Variants in CD33 observed in about 807,000 individuals in gnomAD.
The protein encoded by CD33 is myeloid cell surface antigen CD33.
In CD33, 25 loss-of-function variants were observed where a neutral mutation model predicts 31.4. The observed-to-expected ratio is 0.80, with a 90% CI of 0.58 to 1.11. The LOEUF is 1.11. Ranked by LOEUF, CD33 falls within the 50% of genes most tolerant of loss-of-function variation. The pLI is 0.00. For missense variants in CD33, 407 were observed against 448.1 expected (o/e 0.91, Z 0.83); for synonymous variants, 176 against 180.6 (o/e 0.97, Z 0.20).
upstream of CD33, among the ~76,000 whole-genome samples, chr19:51,222,992 T>C (rs989279962): frequency 6.6e-6 from 1 of 152,086 alleles, no homozygotes; most frequent in African/African-American, 2.4e-5. Context: ...GGTGGGAGGA[T>C]TGCTTGAACC....
At chr19:51,211,320 C>A in the CD33 span, 1 of 1,563,328 alleles carries the variant, frequency 6.4e-7, no homozygotes, top group Non-Finnish European at 8.8e-7. Flanking sequence ...TACCCTACTA[C>A]AACAGGAATT....
In CD33 at chr19:51,239,794, A is replaced by G; in HGVS notation, c.*106A>G. Reference sequence around the variant, plus strand: ...TTAACACCCCACAGGCAATGGGTTTATAGACATTATGTGAGTTTCCTGCTA... The same window carrying G: ...TTAACACCCCACAGGCAATGGGTTTGTAGACATTATGTGAGTTTCCTGCTA... On this transcript the variant is annotated 3_prime_UTR_variant, in exon 7 of 7. Transcript: ENST00000262262. The G allele has an allele frequency of 2.5e-6, 2 of 808,722 alleles. No individual in the cohort carries two copies. The highest frequency in any genetic ancestry group is 2.8e-5 in the East Asian group (1 of 35,706). The allele number at this position is 808,722 out of a possible 1,614,324, so 50.1% of individuals were successfully genotyped here.
chr19:51,214,646 T>C, the CD33 span, among the ~76,000 whole-genome samples: 1 of 152,250 alleles, frequency 6.6e-6, no homozygotes, highest in Admixed American at 6.5e-5. Context: ...AAGTTTTATT[T>C]AAGTCCTTTG....
the CD33 span, among the ~76,000 whole-genome samples, chr19:51,214,255 A>G: frequency 8.0e-5 from 11 of 138,066 alleles, no homozygotes; most frequent in East Asian, 1.7e-3. Context: ...CTGGAGTGCA[A>G]TGGCATGATC....
chr19:51,234,100 T>C (rs1049139363), intron 4 of CD33, among the ~76,000 whole-genome samples: 2 of 152,096 alleles, frequency 1.3e-5, no homozygotes, highest in African/African-American at 2.4e-5. Context: ...TTGAGTGGAA[T>C]CTTCTAGTCG....
At chr19:51,237,723 G>C (rs1356809509) in intron 6 of CD33, 1 of 152,224 alleles carries the variant, frequency 6.6e-6, no homozygotes, top group African/African-American at 2.4e-5. Flanking sequence ...AATATTGCAG[G>C]ATCCTAAGTC....
chr19:51,226,240 T>C, intron 3 of CD33, 69 bp from the exon 4 acceptor site: 1 of 1,535,790 alleles, frequency 6.5e-7, no homozygotes, highest in Non-Finnish European at 9.0e-7. Context: ...CTGGCAGGAG[T>C]AAGGGGAAAT....
chr19:51,220,290 C>G (rs273637), upstream of CD33, among the ~76,000 whole-genome samples: 52,470 of 152,134 alleles, frequency 0.34, 9,664 homozygotes, highest in Non-Finnish European at 0.43. Flanking sequence ...AGTTCCTCTC[C>G]ATGTTTTGAA....
At chr19:51,217,882 T>C in the CD33 span, among the ~76,000 whole-genome samples, 2 of 152,372 alleles carry the variant, frequency 1.3e-5, no homozygotes, top group East Asian at 3.9e-4. Context: ...TTCATTCTTT[T>C]TCATGGCTGG....
At chr19:51,238,912 C>T (rs1981981914) in intron 6 of CD33, 1 of 152,384 alleles carries the variant, frequency 6.6e-6, no homozygotes, top group Admixed American at 6.5e-5. Flanking sequence ...CTTTGCACCA[C>T]TTGAACTAAC....
At position 51,225,257 on chromosome 19, in the gene CD33, A is replaced by G. The variant is rs1380291386; in HGVS notation, c.77A>G (p.Gln26Arg). 3 of 1,613,836 alleles carry G rather than the reference A, an allele frequency of 1.9e-6. No individual in the cohort carries two copies. The highest frequency in any genetic ancestry group is 3.3e-4 in the Middle Eastern group (2 of 6,082). ...GATCCAAATTTCTGGCTGCAAGTGCAGGAGTCAGTGACGGTACAGGAGGGT... is the reference window on the plus strand; with the variant it reads ...GATCCAAATTTCTGGCTGCAAGTGCGGGAGTCAGTGACGGTACAGGAGGGT... ...AMDPNFWLQVQESVTVQEGLC... is the reference protein window; with the variant it reads ...AMDPNFWLQVRESVTVQEGLC... The change falls in exon 2 of 7, where the codon CAG (glutamine) becomes CGG (arginine). Residue 26 changes from glutamine to arginine, a missense_variant. Physicochemically the swap from Gln to Arg is conservative, Grantham distance 43. Transcript: ENST00000262262.
intron 4 of CD33, among the ~76,000 whole-genome samples, chr19:51,228,381 T>A: frequency 6.6e-6 from 1 of 152,190 alleles, no homozygotes; most frequent in Non-Finnish European, 1.5e-5. Flanking sequence ...TATTAATTCA[T>A]CTGATGAGTA....
upstream of CD33, among the ~76,000 whole-genome samples, chr19:51,220,540 C>T (rs1359281830): frequency 1.3e-5 from 2 of 152,180 alleles, no homozygotes. Flanking sequence ...TCTCCCTCTG[C>T]TTTTCTCTTA....
At chr19:51,230,875 C>T (rs1043843680) in intron 4 of CD33, among the ~76,000 whole-genome samples, 1 of 152,068 alleles carries the variant, frequency 6.6e-6, no homozygotes, top group South Asian at 2.1e-4. Flanking sequence ...GGTCTCAAAC[C>T]CCTCGTGGCC....
At chr19:51,234,201 C>T (rs1457910839) in intron 4 of CD33, among the ~76,000 whole-genome samples, 1 of 152,114 alleles carries the variant, frequency 6.6e-6, no homozygotes, top group Non-Finnish European at 1.5e-5. Flanking sequence ...GCCCTCTACC[C>T]TTACACATAG....
intron 4 of CD33, among the ~76,000 whole-genome samples, chr19:51,227,726 CA>C (rs1981130487): frequency 6.6e-6 from 1 of 152,060 alleles, no homozygotes; most frequent in South Asian, 2.1e-4. Context: ...AGCTTGATAT[CA>C]TCTCATTTAT....
intron 4 of CD33, among the ~76,000 whole-genome samples, chr19:51,228,905 C>A (rs1176375482): frequency 3.3e-5 from 5 of 152,140 alleles, no homozygotes; most frequent in Admixed American, 6.5e-5. Context: ...CTTTCTCTTG[C>A]CTAATTGCTC....
the CD33 span, among the ~76,000 whole-genome samples, chr19:51,213,176 T>G: frequency 6.6e-6 from 1 of 152,228 alleles, no homozygotes; most frequent in Non-Finnish European, 1.5e-5. Context: ...CAACCCAGTG[T>G]GGAAGGAGAC....
intron 6 of CD33, chr19:51,238,335 A>G (rs1391074008): frequency 6.6e-6 from 1 of 152,246 alleles, no homozygotes; most frequent in Non-Finnish European, 1.5e-5. Context: ...TCTGGAGCTC[A>G]GAAGAGGGCT....
Sources: allele counts gnomAD v4.1 joint callset (sites outside exome capture counted in the v4.1 genomes callset), GRCh38; gene constraint gnomAD v4.1.1; transcripts MANE v1.5; gene names NCBI Gene and HGNC (gene_info 2026-07-23, HGNC 2026-07-21).